NRXN1: variants seen among roughly 807,000 people sequenced by gnomAD.
NRXN1 encodes neurexin-1.
In NRXN1, 39 loss-of-function variants were observed where a neutral mutation model predicts 150.9. The ratio of observed to expected loss-of-function variants is 0.26; its 90% CI spans 0.20 to 0.34. The LOEUF (loss-of-function observed/expected upper bound fraction) is 0.34. Among genes scored for constraint, NRXN1 ranks in the 10% least tolerant of loss-of-function variants. NRXN1 has a pLI of 1.00. For synonymous variants in NRXN1, 924 were observed against 757.0 expected (o/e 1.22, Z -3.62); for missense variants, 1,815 against 1,949.9 (o/e 0.93, Z 1.30).
intron 21 of NRXN1, among the ~76,000 whole-genome samples, chr2:50,050,897 T>C (rs1266868025): frequency 6.6e-6 from 1 of 152,046 alleles, no homozygotes; most frequent in Non-Finnish European, 1.5e-5. Context: ...TTGCTACTAC[T>C]GAATACTTGT....
chr2:50,380,003 A>G (rs1191383573), intron 17 of NRXN1, among the ~76,000 whole-genome samples: 1 of 152,190 alleles, frequency 6.6e-6, no homozygotes, highest in African/African-American at 2.4e-5. Context: ...AAACATGGAA[A>G]TAGAAATGGC....
chr2:50,621,327 C>A (rs1023221825), intron 6 of NRXN1, 78 bp from the exon 7 acceptor site: 9 of 1,101,242 alleles, frequency 8.2e-6, no homozygotes, highest in African/African-American at 7.8e-5. Flanking sequence ...ATATGATGGT[C>A]TCTACCATGT....
chr2:50,447,738 T>C (rs1410776652), intron 17 of NRXN1, among the ~76,000 whole-genome samples: 1 of 60,550 alleles, frequency 1.7e-5, no homozygotes, highest in Admixed American at 1.6e-4. Flanking sequence ...AGGGGAACGT[T>C]ATATATATAT....
intron 21 of NRXN1, among the ~76,000 whole-genome samples, chr2:50,036,223 T>C (rs1256365661): frequency 6.6e-6 from 1 of 152,076 alleles, no homozygotes; most frequent in Non-Finnish European, 1.5e-5. Context: ...TGATATTGCG[T>C]GAGTTCTCAC....
chr2:49,946,979 A>C (rs1470684688), intron 21 of NRXN1, among the ~76,000 whole-genome samples: 2 of 152,282 alleles, frequency 1.3e-5, no homozygotes, highest in East Asian at 3.9e-4. Context: ...AAAGCTTTAA[A>C]AGCAAAGACC....
intron 5 of NRXN1, among the ~76,000 whole-genome samples, chr2:50,706,810 ATTT>A (rs139071115): frequency 2.1e-5 from 3 of 140,526 alleles, no homozygotes; most frequent in Non-Finnish European, 1.6e-5. Flanking sequence ...ACATATTTGG[ATTT>A]TTTTTTTTTT....
At position 50,107,539 on chromosome 2, in the gene NRXN1, A is replaced by ATATATATATATTTTT. The variant is rs59921941; in HGVS notation, c.3547-16046_3547-16045insAAAAATATATATATA. On this transcript the variant is annotated intron_variant, in intron 18 of 22. Transcript: ENST00000401669. ...AGACTACATATATATATATATATATATTTTTTTTTTTTACCCAAGTACTAC... is the reference window on the plus strand; with the variant it reads ...AGACTACATATATATATATATATATATATATATATATTTTTTTTTTTTTTTTTACCCAAGTACTAC... Among the ~76,000 whole-genome samples, 6 of 129,882 alleles carry ATATATATATATTTTT rather than the reference A, an allele frequency of 4.6e-5. 1 individual carries two copies. The South Asian group carries it at 7.6e-4, about 16-fold the overall frequency. 85.2% of individuals were successfully genotyped at this position (129,882 alleles called of 152,430 possible).
chr2:50,537,082 A>G (rs2093278442), intron 10 of NRXN1, among the ~76,000 whole-genome samples: 1 of 152,110 alleles, frequency 6.6e-6, no homozygotes, highest in Non-Finnish European at 1.5e-5. Flanking sequence ...AAGTTGATGT[A>G]CCTCCTTTTT....
intron 5 of NRXN1, among the ~76,000 whole-genome samples, chr2:50,626,207 T>C (rs902853306): frequency 1.3e-4 from 19 of 151,884 alleles, no homozygotes; most frequent in African/African-American, 9.7e-5. Flanking sequence ...CAATCAATGT[T>C]TCAACATATG....
chr2:50,054,080 T>C (rs577626632), intron 20 of NRXN1, among the ~76,000 whole-genome samples: 1 of 152,206 alleles, frequency 6.6e-6, no homozygotes, highest in Non-Finnish European at 1.5e-5. Context: ...TTTAGTGCTG[T>C]TTATTTTTTG....
At chr2:50,703,940 C>T (rs1694097494) in intron 5 of NRXN1, among the ~76,000 whole-genome samples, 3 of 151,968 alleles carry the variant, frequency 2.0e-5, no homozygotes, top group Non-Finnish European at 4.4e-5. Flanking sequence ...TTTAAGTTTA[C>T]TGTAGAATAA....
chr2:50,393,853 A>C (rs2081894927), intron 17 of NRXN1, among the ~76,000 whole-genome samples: 1 of 152,042 alleles, frequency 6.6e-6, no homozygotes, highest in African/African-American at 2.4e-5. Flanking sequence ...CACAGGCAGC[A>C]AATAAACCCA....
chr2:50,645,869 G>C (rs1056263387), intron 5 of NRXN1, among the ~76,000 whole-genome samples: 1 of 151,868 alleles, frequency 6.6e-6, no homozygotes, highest in Admixed American at 6.6e-5. Flanking sequence ...CCCAGTCTAA[G>C]GAGAGAAAGC....
intron 18 of NRXN1, among the ~76,000 whole-genome samples, chr2:50,111,366 G>A (rs781059389): frequency 6.6e-5 from 10 of 152,084 alleles, no homozygotes; most frequent in Non-Finnish European, 1.0e-4. Flanking sequence ...ACTCTCATGC[G>A]GCATGGTGGT....
At chr2:50,749,138 T>C (rs982572275) in intron 5 of NRXN1, among the ~76,000 whole-genome samples, 6 of 152,142 alleles carry the variant, frequency 3.9e-5, no homozygotes, top group Admixed American at 3.9e-4. Context: ...CCTATTTTGT[T>C]TTTGTAATTT....
intron 5 of NRXN1, among the ~76,000 whole-genome samples, chr2:50,829,111 C>T (rs1671004249): frequency 2.0e-5 from 3 of 150,848 alleles, no homozygotes; most frequent in South Asian, 2.1e-4. Flanking sequence ...TGCCTGCAAT[C>T]GCAGGCACTC....
At chr2:50,457,680 A>G (rs2087713766) in intron 17 of NRXN1, among the ~76,000 whole-genome samples, 1 of 152,148 alleles carries the variant, frequency 6.6e-6, no homozygotes, top group Non-Finnish European at 1.5e-5. Context: ...AAAAGAAGAC[A>G]TATAAATGGT....
intron 5 of NRXN1, among the ~76,000 whole-genome samples, chr2:50,880,233 A>G (rs536836381): frequency 1.3e-5 from 2 of 152,098 alleles, no homozygotes; most frequent in South Asian, 2.1e-4. Flanking sequence ...TTAAAACTTT[A>G]TATGTTGGCA....
chr2:50,429,678 A>T (rs1396034805), intron 17 of NRXN1, among the ~76,000 whole-genome samples: 1 of 152,174 alleles, frequency 6.6e-6, no homozygotes, highest in Non-Finnish European at 1.5e-5. Flanking sequence ...AAAAAATCCT[A>T]CTGAAGAACA....
Sources: allele counts gnomAD v4.1 joint callset (sites outside exome capture counted in the v4.1 genomes callset), GRCh38; gene constraint gnomAD v4.1.1; transcripts MANE v1.5; gene names NCBI Gene and HGNC (gene_info 2026-07-23, HGNC 2026-07-21).